Variants in CAPZA1 observed in about 807,000 individuals in gnomAD.
CAPZA1 encodes F-actin-capping protein subunit alpha-1.
CAPZA1 carries 10 observed loss-of-function variants against 40.8 expected under a neutral mutation model. That is an observed-to-expected ratio of 0.25 (90% CI 0.15 to 0.42). The LOEUF (loss-of-function observed/expected upper bound fraction) is 0.42. Ranked by LOEUF, CAPZA1 falls within the 10% of genes least tolerant of loss-of-function variation. CAPZA1 has a pLI of 1.00. For missense variants in CAPZA1, 277 were observed against 353.8 expected (o/e 0.78, Z 1.74); for synonymous variants, 98 against 115.0 (o/e 0.85, Z 0.95).
intron 3 of CAPZA1, among the ~76,000 whole-genome samples, chr1:112,651,658 T>C (rs533955191): frequency 6.6e-6 from 1 of 152,170 alleles, no homozygotes; most frequent in East Asian, 1.9e-4. Flanking sequence ...TAATCTATAG[T>C]CTTAGGACAT....
intron 2 of CAPZA1, among the ~76,000 whole-genome samples, chr1:112,647,762 G>T (rs1000953130): frequency 6.6e-6 from 1 of 152,144 alleles, no homozygotes; most frequent in East Asian, 1.9e-4. Context: ...GGTGGAACTG[G>T]TTAATCTGTA....
intron 1 of CAPZA1, among the ~76,000 whole-genome samples, chr1:112,636,348 G>T (rs964041856): frequency 9.2e-5 from 14 of 152,116 alleles, no homozygotes; most frequent in South Asian, 2.1e-4. Context: ...AGAATAAGAC[G>T]AATGGGAAGA....
intron 7 of CAPZA1, among the ~76,000 whole-genome samples, chr1:112,666,651 T>C (rs1473150360): frequency 2.6e-5 from 4 of 152,248 alleles, no homozygotes; most frequent in East Asian, 1.9e-4. Context: ...ACATTGATGA[T>C]AATGTATATG....
rs1670921747 is a variant in CAPZA1 at position 112,631,765 on chromosome 1, C to A, written c.39+11882C>A. On this transcript the variant is annotated intron_variant, in intron 1 of 9. Transcript: ENST00000263168. ...ATTTATTCTTGGGCAACCTCCGGAC[C>A]AGAATAGGTTCAAAGAGGCTTTTTC... Among the ~76,000 whole-genome samples the A allele has an allele frequency of 2.6e-5, 4 of 152,044 alleles. No individual in the cohort carries two copies. In the South Asian group the frequency reaches 8.3e-4, roughly 32 times the overall value.
intron 1 of CAPZA1, among the ~76,000 whole-genome samples, chr1:112,643,065 C>T (rs555567084): frequency 4.6e-5 from 7 of 151,090 alleles, no homozygotes; most frequent in Non-Finnish European, 8.8e-5. Context: ...TAGACCATAG[C>T]TCACTCCACA....
chr1:112,640,434 A>C (rs569791079), intron 1 of CAPZA1, among the ~76,000 whole-genome samples: 9 of 78,316 alleles, frequency 1.1e-4, no homozygotes, highest in South Asian at 1.0e-3. Context: ...GGCCGCCCCT[A>C]CTGGGAAGTG....
chr1:112,639,544 C>G (rs528961046), intron 1 of CAPZA1, among the ~76,000 whole-genome samples: 68 of 152,268 alleles, frequency 4.5e-4, no homozygotes, highest in South Asian at 3.7e-3. Context: ...ATATGAAGGT[C>G]AAAGGTCTTG....
At chr1:112,624,130 C>G (rs1006058710) in intron 1 of CAPZA1, among the ~76,000 whole-genome samples, 1 of 151,914 alleles carries the variant, frequency 6.6e-6, no homozygotes, top group African/African-American at 2.4e-5. Context: ...ATAATTTCTT[C>G]CAGAACACTT....
At chr1:112,662,468 G>C (rs372849325) in intron 7 of CAPZA1, among the ~76,000 whole-genome samples, 38 of 135,164 alleles carry the variant, frequency 2.8e-4, no homozygotes, top group African/African-American at 9.2e-4. Flanking sequence ...GCAGGATCTC[G>C]GCTCACTGCA....
intron 1 of CAPZA1, among the ~76,000 whole-genome samples, chr1:112,622,830 G>A (rs1056458037): frequency 6.6e-6 from 1 of 151,374 alleles, no homozygotes. Flanking sequence ...AGAAAATGTT[G>A]TAAATAGATG....
At chr1:112,653,487 C>A (rs1671437966) in intron 3 of CAPZA1, 111 bp from the exon 4 acceptor site, 1 of 717,512 alleles carries the variant, frequency 1.4e-6, no homozygotes, top group African/African-American at 1.9e-5. Flanking sequence ...GTACTATTTT[C>A]ACATTTCCTT....
At chr1:112,622,740 A>G (rs1216018704) in intron 1 of CAPZA1, among the ~76,000 whole-genome samples, 1 of 152,216 alleles carries the variant, frequency 6.6e-6, no homozygotes, top group Non-Finnish European at 1.5e-5. Context: ...GAAAAACTAC[A>G]TGCTTTCAGT....
chr1:112,621,155 T>C (rs1023055521), intron 1 of CAPZA1, among the ~76,000 whole-genome samples: 4 of 152,272 alleles, frequency 2.6e-5, no homozygotes, highest in African/African-American at 9.6e-5. Flanking sequence ...TCTTCATACA[T>C]GTTTAAGATT....
intron 4 of CAPZA1, 45 bp from the exon 5 acceptor site, chr1:112,654,420 T>TCG (rs1671457990): frequency 5.5e-6 from 7 of 1,262,286 alleles, no homozygotes; most frequent in Non-Finnish European, 7.8e-6. Flanking sequence ...GCAGTAAGAA[T>TCG]TGTCTTTTTT....
chr1:112,635,300 T>C (rs1039962971), intron 1 of CAPZA1, among the ~76,000 whole-genome samples: 4 of 152,140 alleles, frequency 2.6e-5, no homozygotes, highest in Admixed American at 1.3e-4. Flanking sequence ...AAATCTTTAA[T>C]ACATTCAGTA....
intron 1 of CAPZA1, 191 bp downstream of exon 1, chr1:112,620,074 C>T: frequency 5.6e-6 from 3 of 537,512 alleles, no homozygotes; most frequent in African/African-American, 3.9e-5. Context: ...CCCAGTTCCT[C>T]GTTCCTCGAC....
intron 1 of CAPZA1, among the ~76,000 whole-genome samples, chr1:112,641,258 T>A (rs554169533): frequency 9.6e-4 from 146 of 151,574 alleles, no homozygotes; most frequent in African/African-American, 1.3e-3. Context: ...AAAAAAAAAA[T>A]TTTAATTTGC....
At chr1:112,656,525 T>C (rs531209776) in intron 5 of CAPZA1, among the ~76,000 whole-genome samples, 1 of 138,324 alleles carries the variant, frequency 7.2e-6, no homozygotes, top group East Asian at 2.3e-4. Context: ...GGGAAGCCAG[T>C]ATTGCAAAGG....
rs1199472724 is a variant in CAPZA1, at chr1:112,659,003, T to A, written c.427-19T>A. ...AAAAGTGTTTGGAGTCTTTAACTAT[T>A]TTTTTTTCCCAACAATAGGTTTATG... On this transcript the variant is annotated intron_variant, in intron 5 of 9. Transcript: ENST00000263168. 6.3e-7 allele frequency: 1 copy of A among 1,584,092 alleles called. No homozygotes were observed. The highest frequency in any genetic ancestry group is 1.3e-5 in the African/African-American group (1 of 74,340).
Sources: allele counts gnomAD v4.1 joint callset (sites outside exome capture counted in the v4.1 genomes callset), GRCh38; gene constraint gnomAD v4.1.1; transcripts MANE v1.5; gene names NCBI Gene and HGNC (gene_info 2026-07-23, HGNC 2026-07-21).